EFCAB11: variants seen among roughly 807,000 people sequenced by gnomAD.
EFCAB11 encodes EF-hand calcium-binding domain-containing protein 11.
Under a neutral mutation model 23.0 loss-of-function variants are expected in EFCAB11, and 14 were observed. The observed-to-expected ratio is 0.61, with a 90% CI of 0.40 to 0.95. EFCAB11 has a LOEUF of 0.95. Ranked by LOEUF, EFCAB11 falls within the 40% of genes least tolerant of loss-of-function variation. The probability of loss-of-function intolerance (pLI) is 0.00; values close to 1 mark genes in which losing one functional copy is unlikely to be tolerated. For synonymous variants in EFCAB11, 65 were observed against 66.6 expected, an observed-to-expected ratio of 0.98 and a Z score of 0.11; for missense variants, 198 against 195.8, an observed-to-expected ratio of 1.01 and a Z score of -0.07.
chr14:89,821,487 A>G (rs1417540362), intron 5 of EFCAB11, among the ~76,000 whole-genome samples: 1 of 152,220 alleles, frequency 6.6e-6, no homozygotes. Context: ...TATAAAACTC[A>G]GGCAAATCTA....
chr14:89,870,668 A>T (rs1241180453), intron 5 of EFCAB11, among the ~76,000 whole-genome samples: 2 of 151,746 alleles, frequency 1.3e-5, no homozygotes, highest in African/African-American at 4.8e-5. Context: ...GCGGTGGCTC[A>T]TGCCTGTAAT....
chr14:89,833,720 T>A (rs529734517), intron 5 of EFCAB11, among the ~76,000 whole-genome samples: 57 of 152,322 alleles, frequency 3.7e-4, no homozygotes, highest in Admixed American at 9.8e-4. Flanking sequence ...ATTTTGAAAA[T>A]GTTCTTTTCA....
intron 5 of EFCAB11, among the ~76,000 whole-genome samples, chr14:89,810,059 T>C (rs1886101031): frequency 6.6e-6 from 1 of 152,212 alleles, no homozygotes; most frequent in African/African-American, 2.4e-5. Context: ...AGCCCATGAA[T>C]GCTGGACCAT....
intron 5 of EFCAB11, among the ~76,000 whole-genome samples, chr14:89,865,674 AT>A (rs1040225133): frequency 1.3e-5 from 2 of 150,574 alleles, no homozygotes; most frequent in African/African-American, 4.9e-5. Flanking sequence ...GCTTGTGTTT[AT>A]TTTTTTTGAG....
rs1885608104 is a variant in EFCAB11, at chr14:89,797,306, T to C, written c.429A>G (p.Ser143=). The part of the protein sequence containing the change: ...LEVFREVDRD[S]DGHVSFRDFE... The stretch of plus-strand genomic sequence containing the variant: ...AGTCTCTAAAGCTGACGTGACCATC[T>C]GAATCTCGATCTACTTCCCTGGAAA... The change falls in exon 6 of 6, where the codon TCA becomes TCG. Residue 143 remains serine, a synonymous_variant. Transcript: ENST00000316738. 2 of 1,612,846 alleles carry C rather than the reference T, an allele frequency of 1.2e-6. No homozygotes were observed. The highest frequency in any genetic ancestry group is 1.7e-6 in the Non-Finnish European group (2 of 1,179,564).
At chr14:89,924,187 T>C in intron 5 of EFCAB11, 1 of 985,860 alleles carries the variant, frequency 1.0e-6, no homozygotes, top group Non-Finnish European at 1.2e-6. Context: ...TTTCACCCAA[T>C]TTCTAATATT....
chr14:89,813,876 C>G (rs928842042), intron 5 of EFCAB11, among the ~76,000 whole-genome samples: 1 of 152,136 alleles, frequency 6.6e-6, no homozygotes, highest in Non-Finnish European at 1.5e-5. Flanking sequence ...ACGGGCAGAA[C>G]TTTTAGAGAA....
chr14:89,849,631 A>G (rs1479084288), intron 5 of EFCAB11, among the ~76,000 whole-genome samples: 1 of 128,652 alleles, frequency 7.8e-6, no homozygotes, highest in African/African-American at 3.1e-5. Flanking sequence ...TTGGTAAGAT[A>G]CTCTTATTGC....
At chr14:89,931,728 T>C in intron 4 of EFCAB11, 97 bp from the exon 5 acceptor site, 1 of 928,466 alleles carries the variant, frequency 1.1e-6, no homozygotes, top group Non-Finnish European at 1.7e-6. Context: ...TTTAATATAT[T>C]ACTAGGAGAA....
At chr14:89,809,715 T>A (rs75942520) in intron 5 of EFCAB11, among the ~76,000 whole-genome samples, 13,525 of 152,210 alleles carry the variant, frequency 0.089, 716 homozygotes, top group East Asian at 0.22. Context: ...GCATTTTTAG[T>A]TCTTAGAAGT....
intron 3 of EFCAB11, among the ~76,000 whole-genome samples, chr14:89,943,553 C>T (rs1346636492): frequency 6.6e-6 from 1 of 152,130 alleles, no homozygotes; most frequent in Non-Finnish European, 1.5e-5. Context: ...AATTTCAGTT[C>T]TTCAAGATCC....
intron 5 of EFCAB11, chr14:89,892,432 A>C: frequency 6.4e-7 from 1 of 1,564,730 alleles, no homozygotes; most frequent in Non-Finnish European, 8.6e-7. Context: ...ACCCAGGCCC[A>C]TGCCAGTGTT....
intron 5 of EFCAB11, among the ~76,000 whole-genome samples, chr14:89,860,768 AGT>A (rs1887897451): frequency 6.6e-6 from 1 of 152,244 alleles, no homozygotes; most frequent in South Asian, 2.1e-4. Flanking sequence ...TCTGGGTTAC[AGT>A]GTGAAAACAG....
chr14:89,931,313 C>A (rs1890381067), intron 5 of EFCAB11: 3 of 502,250 alleles, frequency 6.0e-6, no homozygotes, highest in South Asian at 3.2e-5. Flanking sequence ...CTTGTATGCA[C>A]CTGCCTGGTG....
Position 89,909,516 on chromosome 14 carries a change from C to T in EFCAB11, c.410+22025G>A, listed in dbSNP as rs554924800. ...AATAGCTTGAAGCCGGGGGGGCGGA[C>T]GTTGCAGTGAGCTGAGATCGCGCCA... On this transcript the variant is annotated intron_variant, in intron 5 of 5. Transcript: ENST00000316738. Among the ~76,000 whole-genome samples, 7 of 152,156 alleles carry T rather than the reference C, an allele frequency of 4.6e-5. No homozygotes were observed. In the South Asian group the frequency reaches 8.3e-4, roughly 18 times the overall value.
rs1324708295 is a variant in EFCAB11, at chr14:89,841,279, G to A, written c.411-43955C>T. On this transcript the variant is annotated intron_variant, in intron 5 of 5. Transcript: ENST00000316738. ...ATCCTTTCACCGCCTGACTCTTCTGGAACACCCCATTCTAACAATTTCCCC... is the reference window on the plus strand; with the variant it reads ...ATCCTTTCACCGCCTGACTCTTCTGAAACACCCCATTCTAACAATTTCCCC... 2.0e-5 allele frequency among the ~76,000 whole-genome samples: 3 copies of A among 151,820 alleles called. No individual in the cohort carries two copies. The South Asian group carries it at 6.2e-4, about 32-fold the overall frequency.
At chr14:89,929,235 G>A (rs2139804480) in intron 5 of EFCAB11, among the ~76,000 whole-genome samples, 1 of 152,030 alleles carries the variant, frequency 6.6e-6, no homozygotes, top group African/African-American at 2.4e-5. Flanking sequence ...TGTATTTTGT[G>A]TAGAGACAGG....
chr14:89,801,115 G>A (rs1355158887), intron 5 of EFCAB11, among the ~76,000 whole-genome samples: 3 of 151,808 alleles, frequency 2.0e-5, no homozygotes, highest in Non-Finnish European at 4.4e-5. Context: ...CTGGGAGGAA[G>A]GAGATGACAA....
At chr14:89,951,352 G>A (rs1000982487) in intron 2 of EFCAB11, among the ~76,000 whole-genome samples, 4 of 152,026 alleles carry the variant, frequency 2.6e-5, no homozygotes, top group Non-Finnish European at 5.9e-5. Context: ...CCCACAAAGT[G>A]TTCCTAGATA....
Sources: gnomAD v4.1 joint callset for allele counts (sites outside exome capture counted in the v4.1 genomes callset) on GRCh38, gnomAD v4.1.1 for gene constraint, MANE v1.5 for transcripts, NCBI Gene and HGNC (gene_info 2026-07-23, HGNC 2026-07-21) for gene names.